The following REG4 variants were observed in gnomAD, a reference collection of about 807,000 sequenced individuals.
REG4 encodes the protein regenerating family member 4.
In REG4, 16 loss-of-function variants were observed where a neutral mutation model predicts 22.3. The ratio of observed to expected loss-of-function variants is 0.72; its 90% CI spans 0.49 to 1.09. REG4 has a LOEUF of 1.09. REG4 is among the 50% of genes least tolerant of loss of function. The pLI, the probability that REG4 is intolerant of heterozygous loss-of-function variation, is 0.00. For synonymous variants in REG4, 71 were observed against 69.2 expected (o/e 1.03, Z -0.13); for missense variants, 214 against 193.9 (o/e 1.10, Z -0.61).
chr1:119,808,817 T>C lies in REG4; in HGVS notation c.-48A>G. ...AGCTAGTGCAAGGATCTCAGAGACC[T>C]TACTAGCGCTTCTTTGAAACTCCTG... On this transcript the variant is annotated 5_prime_UTR_variant, in exon 2 of 6. Coordinates refer to ENST00000256585, the MANE Select transcript of REG4 (RefSeq NM_032044.4). 1 of 1,382,194 alleles carries C rather than the reference T, an allele frequency of 7.2e-7. No homozygotes were observed. The allele number at this position is 1,382,194 out of a possible 1,614,324, so 85.6% of individuals were successfully genotyped here.
intron 1 of REG4, among the ~76,000 whole-genome samples, chr1:119,810,492 T>G (rs587723074): frequency 6.6e-6 from 1 of 152,354 alleles, no homozygotes; most frequent in African/African-American, 2.4e-5. Flanking sequence ...TAACTGAGAA[T>G]GAGACAAAGC....
intron 5 of REG4, among the ~76,000 whole-genome samples, chr1:119,796,068 C>A (rs10802136): frequency 0.41 from 62,370 of 152,028 alleles, 13,845 homozygotes; most frequent in East Asian, 0.77. Context: ...TTCTCCAGGC[C>A]ACGGAGCCAT....
At chr1:119,799,307 A>C (rs1364838762) in intron 4 of REG4, among the ~76,000 whole-genome samples, 2 of 152,084 alleles carry the variant, frequency 1.3e-5, no homozygotes, top group Admixed American at 6.5e-5. Context: ...AACATAAAAA[A>C]AATTACAGCA....
rs1044652177 is a variant in REG4 at position 119,808,816 on chromosome 1, C to A, written c.-47G>T. The A allele has an allele frequency of 3.6e-6, 5 of 1,380,492 alleles. No individual in the cohort carries two copies. The African/African-American group carries it at 4.3e-5, about 12-fold the overall frequency. 85.5% of individuals were successfully genotyped at this position (1,380,492 alleles called of 1,614,324 possible). Reference sequence around the variant, plus strand: ...TAGCTAGTGCAAGGATCTCAGAGACCTTACTAGCGCTTCTTTGAAACTCCT... The same window carrying A: ...TAGCTAGTGCAAGGATCTCAGAGACATTACTAGCGCTTCTTTGAAACTCCT... On this transcript the variant is annotated 5_prime_UTR_variant, in exon 2 of 6. The change creates a new upstream start codon in the 5' untranslated region. Transcript: ENST00000256585.
intron 2 of REG4, 120 bp from the exon 3 acceptor site, chr1:119,803,285 G>T: frequency 9.9e-7 from 1 of 1,006,522 alleles, no homozygotes; most frequent in Non-Finnish European, 1.4e-6. Flanking sequence ...GAAGGGTCCT[G>T]CTACACTGCC....
chr1:119,808,518 A>G (rs1454827901), intron 2 of REG4, among the ~76,000 whole-genome samples, 185 bp downstream of exon 2: 1 of 152,200 alleles, frequency 6.6e-6, no homozygotes, highest in Non-Finnish European at 1.5e-5. Context: ...ATCATATGGA[A>G]TTGAGTTTTG....
intron 5 of REG4, 115 bp downstream of exon 5, chr1:119,798,382 T>A: frequency 1.3e-6 from 1 of 758,438 alleles, no homozygotes; most frequent in South Asian, 1.7e-5. Flanking sequence ...GAGAAAAGAG[T>A]TGTTGGTGTG....
At chr1:119,806,017 G>T (rs990063239) in intron 2 of REG4, among the ~76,000 whole-genome samples, 1 of 152,138 alleles carries the variant, frequency 6.6e-6, no homozygotes, top group Non-Finnish European at 1.5e-5. Context: ...CTGCAGCCTC[G>T]ACTTCCCGGG....
chr1:119,805,850 C>A (rs1367960807), intron 2 of REG4, among the ~76,000 whole-genome samples: 1 of 152,132 alleles, frequency 6.6e-6, no homozygotes. Flanking sequence ...CTCTGCCCCA[C>A]ACTCTGCAAG....
At chr1:119,808,432 T>C (rs1158045433) in intron 2 of REG4, among the ~76,000 whole-genome samples, 1 of 152,226 alleles carries the variant, frequency 6.6e-6, no homozygotes, top group Non-Finnish European at 1.5e-5. Context: ...AAACACATTA[T>C]CTCTGCCCTT....
chr1:119,806,921 G>C (rs587595263), intron 2 of REG4, among the ~76,000 whole-genome samples: 1 of 152,252 alleles, frequency 6.6e-6, no homozygotes, highest in East Asian at 1.9e-4. Flanking sequence ...TTGTTGGGAA[G>C]ATTAATTAAG....
intron 1 of REG4, 76 bp from the exon 2 acceptor site, chr1:119,808,939 A>T: frequency 1.9e-6 from 1 of 530,586 alleles, no homozygotes; most frequent in South Asian, 2.6e-5. Flanking sequence ...AAATAATACA[A>T]TATTTTCCTG....
In REG4 at chr1:119,808,737, C is replaced by T; in HGVS notation, c.33G>A (p.Leu11=). 6.2e-7 allele frequency: 1 copy of T among 1,613,964 alleles called. No individual in the cohort carries two copies. The highest frequency in any genetic ancestry group is 8.5e-7 in the Non-Finnish European group (1 of 1,179,878). The change falls in exon 2 of 6, where the codon TTG becomes TTA. Residue 11 remains leucine, a synonymous_variant. Coordinates refer to ENST00000256585, the MANE Select transcript of REG4 (RefSeq NM_032044.4). MASRSMRLLL[L]LSCLAKTGVL... is the part of the protein sequence containing the mutation. ...CTCCTGTTTTGGCCAGGCAGCTCAG[C>T]AATAGGAGCAGCCGCATGCTTCTGG...
chr1:119,797,708 G>T (rs888864215), intron 5 of REG4, among the ~76,000 whole-genome samples: 3 of 152,204 alleles, frequency 2.0e-5, no homozygotes, highest in African/African-American at 7.2e-5. Context: ...ATTAATCATG[G>T]TTCTCACCAG....
chr1:119,798,446 G>A (rs1653995325), intron 5 of REG4, 51 bp downstream of exon 5: 2 of 1,432,144 alleles, frequency 1.4e-6, no homozygotes, highest in Non-Finnish European at 2.0e-6. Context: ...CTAGGTAAAG[G>A]GAAGAGTCTG....
chr1:119,802,601 G>A (rs1459453511), intron 3 of REG4: 1 of 1,326,696 alleles, frequency 7.5e-7, no homozygotes, highest in African/African-American at 1.5e-5. Context: ...TGTGGACTGT[G>A]TAGAGCAGCG....
At chr1:119,798,142 T>C (rs1050231609) in intron 5 of REG4, among the ~76,000 whole-genome samples, 2 of 152,214 alleles carry the variant, frequency 1.3e-5, no homozygotes, top group African/African-American at 4.8e-5. Flanking sequence ...TTTCACCACA[T>C]ATATTTACTC....
At position 119,808,828 on chromosome 1, in the gene REG4, T is replaced by G; in HGVS notation, c.-59A>C. ...GGATCTCAGAGACCTTACTAGCGCT[T>G]CTTTGAAACTCCTGGGTTCTCCTTG... On this transcript the variant is annotated 5_prime_UTR_variant, in exon 2 of 6. Coordinates refer to ENST00000256585, the MANE Select transcript of REG4 (RefSeq NM_032044.4). 1 of 1,245,542 alleles carries G rather than the reference T, an allele frequency of 8.0e-7. No individual in the cohort carries two copies. Among genetic ancestry groups the G allele is most frequent in the Non-Finnish European group, 1.2e-6 (1 of 854,512 alleles). The allele number at this position is 1,245,542 out of a possible 1,614,324, so 77.2% of individuals were successfully genotyped here. A position where few individuals can be genotyped will look rare whatever the true frequency, so the allele number is the denominator to read the frequency against.
At chr1:119,802,992 A>C (rs763879006) in intron 3 of REG4, 76 bp downstream of exon 3, 6 of 1,599,224 alleles carry the variant, frequency 3.8e-6, no homozygotes, top group Non-Finnish European at 5.1e-6. Context: ...CTTGATCCTG[A>C]ATCAAATGAG....
Sources: allele counts gnomAD v4.1 joint callset (sites outside exome capture counted in the v4.1 genomes callset), GRCh38; gene constraint gnomAD v4.1.1; transcripts MANE v1.5; gene names NCBI Gene and HGNC (gene_info 2026-07-23, HGNC 2026-07-21).